The following PABPC4L variants were observed in gnomAD, a reference collection of about 807,000 sequenced individuals.
The protein encoded by PABPC4L is poly(A) binding protein cytoplasmic 4 like.
For missense variants in PABPC4L, 452 were observed against 451.4 expected (o/e 1.00, Z -0.01); for synonymous variants, 169 against 164.1 (o/e 1.03, Z -0.23).
At chr4:134,127,021 T>C in the PABPC4L span, among the ~76,000 whole-genome samples, 9 of 152,146 alleles carry the variant, frequency 5.9e-5, no homozygotes, top group East Asian at 1.7e-3. Context: ...TCCCTGACTT[T>C]CCTGGTGACC....
the PABPC4L span, among the ~76,000 whole-genome samples, chr4:134,174,186 A>C: frequency 6.6e-6 from 1 of 151,860 alleles, no homozygotes; most frequent in African/African-American, 2.4e-5. Context: ...TCCATATCTC[A>C]TCTCATATCT....
chr4:133,971,445 A>G, the PABPC4L span, among the ~76,000 whole-genome samples: 1 of 152,026 alleles, frequency 6.6e-6, no homozygotes, highest in Non-Finnish European at 1.5e-5. Flanking sequence ...TTTTATTGTT[A>G]CTACAAAAAC....
the PABPC4L span, among the ~76,000 whole-genome samples, chr4:133,981,360 C>A: frequency 1.3e-5 from 2 of 151,952 alleles, no homozygotes; most frequent in Non-Finnish European, 2.9e-5. Flanking sequence ...ACATTTATAC[C>A]ATTTATATCT....
At chr4:134,120,803 G>GTT in the PABPC4L span, among the ~76,000 whole-genome samples, 2 of 151,264 alleles carry the variant, frequency 1.3e-5, no homozygotes, top group Admixed American at 1.3e-4. Context: ...TGTGTTTAGG[G>GTT]TTTGTGTGTG....
At chr4:133,971,997 A>G in the PABPC4L span, among the ~76,000 whole-genome samples, 2 of 152,174 alleles carry the variant, frequency 1.3e-5, no homozygotes, top group African/African-American at 4.8e-5. Flanking sequence ...ATAAATTACC[A>G]ACATTCAAAT....
chr4:134,151,301 A>G, the PABPC4L span, among the ~76,000 whole-genome samples: 1 of 152,128 alleles, frequency 6.6e-6, no homozygotes, highest in African/African-American at 2.4e-5. Flanking sequence ...AATAAAAAGA[A>G]CACAAAATTA....
chr4:134,201,538 C>T (rs981670381), intron 1 of PABPC4L, among the ~76,000 whole-genome samples, 180 bp downstream of exon 1: 1 of 152,076 alleles, frequency 6.6e-6, no homozygotes, highest in Non-Finnish European at 1.5e-5. Context: ...GCGCCGCCGC[C>T]GCCGAGGCGC....
the PABPC4L span, among the ~76,000 whole-genome samples, chr4:134,182,466 A>T: frequency 3.8e-3 from 573 of 152,184 alleles, 2 homozygotes; most frequent in African/African-American, 0.013. Context: ...TGGATTAAGG[A>T]CTTATATGTA....
At chr4:134,155,408 C>A in the PABPC4L span, among the ~76,000 whole-genome samples, 1 of 49,448 alleles carries the variant, frequency 2.0e-5, no homozygotes, top group Non-Finnish European at 3.3e-5. Context: ...ATTTCTCTCC[C>A]AGTTCACACA....
the PABPC4L span, among the ~76,000 whole-genome samples, chr4:133,981,721 A>G: frequency 6.6e-6 from 1 of 152,002 alleles, no homozygotes; most frequent in East Asian, 1.9e-4. Flanking sequence ...TAAAACTCAA[A>G]AATGAACACT....
chr4:134,171,727 C>T, the PABPC4L span, among the ~76,000 whole-genome samples: 3 of 152,072 alleles, frequency 2.0e-5, no homozygotes, highest in Non-Finnish European at 4.4e-5. Flanking sequence ...GTAAAACTGT[C>T]TTTGTTTGCA....
At chr4:134,048,753 C>A in the PABPC4L span, among the ~76,000 whole-genome samples, 1 of 151,950 alleles carries the variant, frequency 6.6e-6, no homozygotes, top group African/African-American at 2.4e-5. Flanking sequence ...TTTTATGTAT[C>A]AAAGTTATCA....
At chr4:134,121,931 C>T in the PABPC4L span, among the ~76,000 whole-genome samples, 8 of 151,808 alleles carry the variant, frequency 5.3e-5, no homozygotes, top group Admixed American at 5.3e-4. Flanking sequence ...AAGACAAGTT[C>T]GCCATGATGT....
At chr4:134,181,610 A>G in the PABPC4L span, among the ~76,000 whole-genome samples, 1 of 152,040 alleles carries the variant, frequency 6.6e-6, no homozygotes. Flanking sequence ...ATGTTTCTAT[A>G]CCTAGAAAAC....
chr4:134,179,900 A>T, the PABPC4L span, among the ~76,000 whole-genome samples: 1,249 of 152,230 alleles, frequency 8.2e-3, 63 homozygotes, highest in Admixed American at 0.075. Flanking sequence ...AGTTACGAAG[A>T]CCTATTAAGA....
At chr4:134,074,366 T>C in the PABPC4L span, among the ~76,000 whole-genome samples, 53 of 152,298 alleles carry the variant, frequency 3.5e-4, no homozygotes, top group South Asian at 6.2e-4. Context: ...ATCGTCCATA[T>C]CACTGTTGGC....
the PABPC4L span, among the ~76,000 whole-genome samples, chr4:134,098,474 C>T: frequency 1.3e-4 from 19 of 151,342 alleles, no homozygotes; most frequent in Non-Finnish European, 2.5e-4. Context: ...GGGAAGACAT[C>T]ATCAATATTG....
At chr4:134,001,309 G>T in the PABPC4L span, among the ~76,000 whole-genome samples, 1 of 151,732 alleles carries the variant, frequency 6.6e-6, no homozygotes, top group Non-Finnish European at 1.5e-5. Context: ...TAAGGCTAGT[G>T]AACTGGACCC....
At chr4:133,963,121 T>A in the PABPC4L span, among the ~76,000 whole-genome samples, 14 of 152,028 alleles carry the variant, frequency 9.2e-5, no homozygotes, top group Non-Finnish European at 2.1e-4. Context: ...AGGACTCACA[T>A]AAACTTAAAA....
Sources: gnomAD v4.1 joint callset for allele counts (sites outside exome capture counted in the v4.1 genomes callset) on GRCh38, gnomAD v4.1.1 for gene constraint, MANE v1.5 for transcripts, NCBI Gene and HGNC (gene_info 2026-07-23, HGNC 2026-07-21) for gene names.